GALNTL6: variants seen among roughly 807,000 people sequenced by gnomAD.
The protein encoded by GALNTL6 is polypeptide N-acetylgalactosaminyltransferase-like 6.
GALNTL6 carries 46 observed loss-of-function variants against 73.7 expected under a neutral mutation model. That is an observed-to-expected ratio of 0.62 (90% CI 0.49 to 0.80). The LOEUF is 0.80. Among genes scored for constraint, GALNTL6 ranks in the 30% least tolerant of loss-of-function variants. The pLI, the probability that GALNTL6 is intolerant of heterozygous loss-of-function variation, is 0.00. For missense variants in GALNTL6, 604 were observed against 755.0 expected, an observed-to-expected ratio of 0.80 and a Z score of 2.34; for synonymous variants, 259 against 263.7, an observed-to-expected ratio of 0.98 and a Z score of 0.17.
At chr4:172,594,973 G>A (rs1737797614) in intron 5 of GALNTL6, among the ~76,000 whole-genome samples, 3 of 152,150 alleles carry the variant, frequency 2.0e-5, no homozygotes, top group Non-Finnish European at 2.9e-5. Context: ...GGGTGGCCCC[G>A]TGGTTGAGTT....
intron 5 of GALNTL6, among the ~76,000 whole-genome samples, chr4:172,586,203 C>T (rs914249394): frequency 6.6e-6 from 1 of 152,178 alleles, no homozygotes; most frequent in Non-Finnish European, 1.5e-5. Context: ...CTTTATATCC[C>T]TTGCCACATA....
chr4:172,693,590 T>C (rs1467385042), intron 5 of GALNTL6, among the ~76,000 whole-genome samples: 1 of 152,212 alleles, frequency 6.6e-6, no homozygotes, highest in East Asian at 1.9e-4. Flanking sequence ...CACCCCAGTC[T>C]GGTTCCTCCC....
At chr4:172,064,844 C>T (rs968069112) in intron 2 of GALNTL6, among the ~76,000 whole-genome samples, 25 of 151,950 alleles carry the variant, frequency 1.6e-4, no homozygotes, top group African/African-American at 6.0e-4. Flanking sequence ...ATTTGGTCTA[C>T]TGATTGTGGC....
chr4:171,871,932 A>G (rs1278804024), intron 2 of GALNTL6, among the ~76,000 whole-genome samples: 1 of 152,232 alleles, frequency 6.6e-6, no homozygotes, highest in African/African-American at 2.4e-5. Context: ...GTTATAAATA[A>G]TCCAGTGTTG....
At position 172,111,863 on chromosome 4, in the gene GALNTL6, TATC is replaced by T. The variant is rs142600135; in HGVS notation, c.139-117787_139-117785del. Among the ~76,000 whole-genome samples, 1,143 of 152,154 alleles carry T rather than the reference TATC, an allele frequency of 7.5e-3. 7 individuals carry two copies. Among genetic ancestry groups the T allele is most frequent in the Non-Finnish European group, 0.012 (799 of 67,924 alleles). ...AGCTGCACAGACTCAACTCTTACAT[TATC>T]ATCATTCTTCACCATAGTGGTACAT... On this transcript the variant is annotated intron_variant, in intron 2 of 12. Coordinates refer to ENST00000506823, the MANE Select transcript of GALNTL6 (RefSeq NM_001034845.3).
At chr4:172,206,946 T>C (rs1379048164) in intron 2 of GALNTL6, among the ~76,000 whole-genome samples, 1 of 150,918 alleles carries the variant, frequency 6.6e-6, no homozygotes, top group South Asian at 2.1e-4. Context: ...GCCTCCCGAG[T>C]AGCTGGGACT....
chr4:173,033,050 G>C (rs1485350844), intron 12 of GALNTL6, among the ~76,000 whole-genome samples: 3 of 152,122 alleles, frequency 2.0e-5, no homozygotes, highest in East Asian at 3.9e-4. Flanking sequence ...GCCCAGGCTA[G>C]AGTGCAGTGG....
intron 2 of GALNTL6, among the ~76,000 whole-genome samples, chr4:171,818,403 T>TAC (rs1276162084): frequency 6.6e-6 from 1 of 151,808 alleles, no homozygotes; most frequent in African/African-American, 2.4e-5. Flanking sequence ...GTTTAGCAAG[T>TAC]AACTTGGAAA....
At chr4:171,954,412 C>A (rs982870268) in intron 2 of GALNTL6, among the ~76,000 whole-genome samples, 6 of 152,088 alleles carry the variant, frequency 3.9e-5, no homozygotes, top group Non-Finnish European at 4.4e-5. Flanking sequence ...ATACAATGAA[C>A]AATTATGTAG....
chr4:172,559,084 T>TTTTTTTA (rs1579188026), intron 5 of GALNTL6, among the ~76,000 whole-genome samples: 4 of 143,616 alleles, frequency 2.8e-5, no homozygotes, highest in Non-Finnish European at 3.0e-5. Flanking sequence ...TTTTTTTTTT[T>TTTTTTTA]GAGACAGAGT....
intron 5 of GALNTL6, among the ~76,000 whole-genome samples, chr4:172,597,908 T>C (rs1352725036): frequency 6.6e-6 from 1 of 151,618 alleles, no homozygotes; most frequent in Non-Finnish European, 1.5e-5. Context: ...TGAATGCTTC[T>C]GCCTTTTCAT....
chr4:172,253,416 T>G (rs1320161199), intron 3 of GALNTL6, among the ~76,000 whole-genome samples: 1 of 151,952 alleles, frequency 6.6e-6, no homozygotes, highest in East Asian at 1.9e-4. Flanking sequence ...ATGACTGATG[T>G]AAAGCCAGGG....
intron 2 of GALNTL6, among the ~76,000 whole-genome samples, chr4:171,904,655 T>A (rs1472176580): frequency 6.6e-6 from 1 of 152,066 alleles, no homozygotes; most frequent in Non-Finnish European, 1.5e-5. Context: ...GCCACAAAGA[T>A]ACTCCCTGAG....
At chr4:172,836,952 A>G (rs1310244260) in intron 7 of GALNTL6, among the ~76,000 whole-genome samples, 2 of 152,212 alleles carry the variant, frequency 1.3e-5, no homozygotes, top group Admixed American at 6.5e-5. Context: ...TTATCAAATC[A>G]TGTGCCTTGA....
chr4:172,585,085 A>G (rs780822487), intron 5 of GALNTL6, among the ~76,000 whole-genome samples: 17 of 146,350 alleles, frequency 1.2e-4, no homozygotes, highest in Non-Finnish European at 2.4e-4. Flanking sequence ...TGAATTGACC[A>G]ATACGGAAAT....
At chr4:172,804,543 G>A (rs1740839247) in intron 5 of GALNTL6, among the ~76,000 whole-genome samples, 1 of 152,162 alleles carries the variant, frequency 6.6e-6, no homozygotes, top group Non-Finnish European at 1.5e-5. Context: ...AAAGAACTAA[G>A]CAACTAGTGG....
chr4:171,954,553 G>A (rs2111036444), intron 2 of GALNTL6, among the ~76,000 whole-genome samples: 1 of 152,326 alleles, frequency 6.6e-6, no homozygotes, highest in South Asian at 2.1e-4. Flanking sequence ...CAAGGGAGAA[G>A]TGGGGAAGAG....
chr4:172,618,417 C>G (rs1738827717), intron 5 of GALNTL6, among the ~76,000 whole-genome samples: 1 of 152,212 alleles, frequency 6.6e-6, no homozygotes, highest in Non-Finnish European at 1.5e-5. Context: ...TTATACTCCT[C>G]TCACTAATAT....
chr4:172,282,660 A>G (rs996076122), intron 3 of GALNTL6, among the ~76,000 whole-genome samples: 6 of 113,148 alleles, frequency 5.3e-5, no homozygotes, highest in Non-Finnish European at 7.0e-5. Flanking sequence ...ATGAGTTGAA[A>G]TGGGGCAAAA....
Sources: allele counts gnomAD v4.1 joint callset (sites outside exome capture counted in the v4.1 genomes callset), GRCh38; gene constraint gnomAD v4.1.1; transcripts MANE v1.5; gene names NCBI Gene and HGNC (gene_info 2026-07-23, HGNC 2026-07-21).